The following MYO18A variants were observed in gnomAD, a reference collection of about 807,000 sequenced individuals.
MYO18A encodes the protein myosin XVIIIA.
Under a neutral mutation model 235.8 loss-of-function variants are expected in MYO18A, and 78 were observed. The ratio of observed to expected loss-of-function variants is 0.33; its 90% confidence interval spans 0.28 to 0.40. MYO18A has a LOEUF of 0.40. MYO18A is among the 10% of genes least tolerant of loss of function. MYO18A has a pLI of 1.00. For missense variants in MYO18A, 2,215 were observed against 2,699.3 expected (o/e 0.82, Z 3.98); for synonymous variants, 977 against 1,077.8 (o/e 0.91, Z 1.83).
Position 29,074,341 on chromosome 17 carries a change from A to C in MYO18A, c.*429T>G. 3.9e-6 allele frequency: 3 copies of C among 770,384 alleles called. No individual in the cohort carries two copies. Among genetic ancestry groups the C allele is most frequent in the Non-Finnish European group, 6.2e-6 (3 of 482,366 alleles). 47.7% of individuals were successfully genotyped at this position (770,384 alleles called of 1,614,324 possible). On this transcript the variant is annotated 3_prime_UTR_variant, in exon 42 of 42. Coordinates refer to ENST00000527372, the MANE Select transcript of MYO18A (RefSeq NM_078471.4). This position sits in a 1 kb window ranked among gnomAD's most constrained non-coding sequence, Gnocchi z 4.4. Reference sequence around the variant, plus strand: ...CAAGAAGAGAGAGCCCCCACCCCACACGAGAGGGAAGGCACTGCTTCTCCT... The same window carrying C: ...CAAGAAGAGAGAGCCCCCACCCCACCCGAGAGGGAAGGCACTGCTTCTCCT...
In MYO18A at chr17:29,107,094, C is replaced by T; in HGVS notation, c.3427G>A (p.Val1143Met). The T allele has an allele frequency of 6.2e-7, 1 of 1,613,992 alleles. No homozygotes were observed. Residue 1143 changes from valine (V) to methionine (M), a missense_variant, in exon 20 of 42, where the codon GTG becomes ATG. Physicochemically the swap from Val to Met is conservative, Grantham distance 21 (BLOSUM62 1). Transcript: ENST00000527372. ...TKKHGRNYIVVDERRAVEELL... is the reference protein window; with the variant it reads ...TKKHGRNYIVMDERRAVEELL... The stretch of plus-strand genomic sequence containing the variant: ...CCTGGACCTACCCGCCTTTCATCCA[C>T]CACGATGTAGTTACGCCCGTGTTTC...
At chr17:29,138,204 A>G (rs576207328) in intron 2 of MYO18A, among the ~76,000 whole-genome samples, 3 of 152,026 alleles carry the variant, frequency 2.0e-5, no homozygotes, top group East Asian at 3.9e-4. Context: ...GCCTGGACAA[A>G]TGCTTTGAGG....
rs1221504468 is a variant in MYO18A, at chr17:29,115,694, G to A, written c.2197C>T (p.Pro733Ser). 6.2e-7 allele frequency: 1 copy of A among 1,606,452 alleles called. No individual in the cohort carries two copies. Among genetic ancestry groups the A allele is most frequent in the Non-Finnish European group, 8.5e-7 (1 of 1,177,202 alleles). ...LQRSTSFRQG[P>S]EESGLGDGTG... ...CCATCTCCCAGGCCACTCTCCTCGG[G>A]GCCCTGGCGGAAGGAGGTGGAGCGC... The change falls in exon 12 of 42, where the codon CCC becomes TCC. Residue 733 changes from proline (P) to serine (S), a missense_variant. Transcript: ENST00000527372.
rs1444727035 is a variant in MYO18A, at chr17:29,097,913, G to A, written c.3991-14C>T. ...ATCGTACTGGGTCTGCAGAAGACAG[G>A]GTTTCAGGGTGTGCCATTCCATCCC... On this transcript the variant is annotated splice_polypyrimidine_tract_variant and intron_variant, in intron 25 of 41. Coordinates refer to ENST00000527372, the MANE Select transcript of MYO18A (RefSeq NM_078471.4). The A allele has an allele frequency of 2.5e-6, 4 of 1,606,862 alleles. No homozygotes were observed. Among genetic ancestry groups the A allele is most frequent in the Admixed American group, 3.4e-5 (2 of 59,470 alleles).
At position 29,082,303 on chromosome 17, in the gene MYO18A, G is replaced by T; in HGVS notation, c.6020+13C>A. On this transcript the variant is annotated intron_variant, in intron 41 of 41. Transcript: ENST00000527372. ...AGGTGGCTTTTCCTCCCAGCTCAAG[G>T]CCATATGCTCACCTGGAACTCTTTA... is the stretch of plus-strand genomic sequence containing the variant. The T allele has an allele frequency of 1.2e-6, 2 of 1,613,714 alleles. No individual in the cohort carries two copies. Among genetic ancestry groups the T allele is most frequent in the Non-Finnish European group, 1.7e-6 (2 of 1,179,712 alleles).
chr17:29,166,488 T>C lies in MYO18A; in HGVS notation c.453A>G (p.Ser151=), dbSNP rs1237239851. Residue 151 remains serine (S), a synonymous_variant, in exon 2 of 42, where the codon TCA becomes TCG. Coordinates refer to ENST00000527372, the MANE Select transcript of MYO18A (RefSeq NM_078471.4). ...FSQRSRDESA[S]ETSTPSEHSA... ...AGTGCTCTGAGGGCGTCGAGGTTTC[T>C]GAGGCGCTCTCATCCCGGCTACGCT... 1.2e-6 allele frequency: 2 copies of C among 1,613,658 alleles called. No individual in the cohort carries two copies. The highest frequency in any genetic ancestry group is 1.1e-5 in the South Asian group (1 of 91,076).
intron 32 of MYO18A, 135 bp downstream of exon 32, chr17:29,093,188 G>A: frequency 2.8e-6 from 3 of 1,083,490 alleles, no homozygotes; most frequent in Middle Eastern, 3.0e-4. Context: ...CATCCCACAA[G>A]GGATGACGAT....
At chr17:29,099,226 GCTTT>G (rs2066597016) in intron 22 of MYO18A, among the ~76,000 whole-genome samples, 1 of 152,228 alleles carries the variant, frequency 6.6e-6, no homozygotes, top group African/African-American at 2.4e-5. Flanking sequence ...AATTTCATCT[GCTTT>G]ATTTGCTGCC....
intron 2 of MYO18A, among the ~76,000 whole-genome samples, chr17:29,135,202 G>A (rs1364216151): frequency 1.3e-5 from 2 of 151,930 alleles, no homozygotes; most frequent in South Asian, 2.1e-4. Context: ...CCGGGTTCAC[G>A]CCATTCTCCT....
chr17:29,154,957 C>T (rs530497505), intron 2 of MYO18A, among the ~76,000 whole-genome samples: 1 of 152,336 alleles, frequency 6.6e-6, no homozygotes, highest in Admixed American at 6.5e-5. Flanking sequence ...TCAGACCCTT[C>T]CCCTCGCCAT....
In MYO18A at chr17:29,094,736, T is replaced by C. The variant is rs1456588231; in HGVS notation, c.4624A>G (p.Lys1542Glu). 6.2e-7 allele frequency: 1 copy of C among 1,614,054 alleles called. No individual in the cohort carries two copies. Among genetic ancestry groups the C allele is most frequent in the African/African-American group, 1.3e-5 (1 of 75,072 alleles). Residue 1542 changes from lysine (K) to glutamate (E), a missense_variant, in exon 30 of 42, where the codon AAA (lysine) becomes GAA (glutamate). Lys to Glu is a moderately conservative substitution (Grantham distance 56). Transcript: ENST00000527372. ...KDEASLAKVK[K>E]QLRDLEAKVK... ...TTGGCCTCCAGGTCCCGGAGCTGTT[T>C]CTTGACCTTGGCCAGAGAAGCCTCA...
rs563840252 is a variant in MYO18A, at chr17:29,098,545, G to A, written c.3781-100C>T. On this transcript the variant is annotated intron_variant, in intron 23 of 41. Transcript: ENST00000527372. ...AGTGAACGAAGCTGATGAAGCTTGG[G>A]CCAGGACGCCATGGGGAAGGCATGT... 1.2e-5 allele frequency: 16 copies of A among 1,373,670 alleles called. No homozygotes were observed. In the South Asian group the frequency reaches 1.8e-4, roughly 16 times the overall value. The allele number at this position is 1,373,670 out of a possible 1,614,324, so 85.1% of individuals were successfully genotyped here.
Position 29,111,917 on chromosome 17 carries a change from C to A in MYO18A, c.2599-54G>T, listed in dbSNP as rs2066938482. On this transcript the variant is annotated intron_variant, in intron 15 of 41. Transcript: ENST00000527372. The surrounding 1 kb of genome is among the most constrained non-coding windows in gnomAD (Gnocchi z 5.1). ...GTCATATGGAGCTGTGGGAAAGGGG[C>A]CAGGGTGGTGCCGGGCCCAAACACA... 17 of 1,572,062 alleles carry A rather than the reference C, an allele frequency of 1.1e-5. No homozygotes were observed. The highest frequency in any genetic ancestry group is 1.5e-5 in the Non-Finnish European group (17 of 1,159,358).
Position 29,094,837 on chromosome 17 carries a change from T to G in MYO18A, c.4523A>C (p.Asp1508Ala). Reference protein sequence around the residue: ...LKQQLEEKDMDIAGFTQKVVS... With the variant: ...LKQQLEEKDMAIAGFTQKVVS... ...AACCTTCTGGGTGAACCCTGCAATGTCCATGTCTTTTTCCTGGAGCAAAAG... is the reference window on the plus strand; with the variant it reads ...AACCTTCTGGGTGAACCCTGCAATGGCCATGTCTTTTTCCTGGAGCAAAAG... The change falls in exon 30 of 42, where the codon GAC becomes GCC. Residue 1508 changes from aspartate to alanine, a missense_variant. By Grantham distance (126) the Asp-to-Ala change is moderately radical (BLOSUM62 -2). Coordinates refer to ENST00000527372, the MANE Select transcript of MYO18A (RefSeq NM_078471.4). 6.2e-7 allele frequency: 1 copy of G among 1,614,038 alleles called. No individual in the cohort carries two copies. Among genetic ancestry groups the G allele is most frequent in the Non-Finnish European group, 8.5e-7 (1 of 1,179,894 alleles).
rs1319264982 is a variant in MYO18A, at chr17:29,115,292, A to C, written c.2318+59T>G. ...CTCTGCCTCGGCCAACAAGGCATGA[A>C]GGCATCTACTCCACCTCTGCCAAAG... is the stretch of plus-strand genomic sequence containing the variant. On this transcript the variant is annotated intron_variant, in intron 13 of 41. Transcript: ENST00000527372. The C allele has an allele frequency of 1.9e-6, 3 of 1,577,964 alleles. No individual in the cohort carries two copies. In the African/African-American group the frequency reaches 4.0e-5, roughly 21 times the overall value.
chr17:29,163,322 C>T (rs1473502455), intron 2 of MYO18A, among the ~76,000 whole-genome samples: 2 of 152,196 alleles, frequency 1.3e-5, no homozygotes, highest in African/African-American at 2.4e-5. Context: ...AAGCTGGAAA[C>T]GCTGGGCTCA....
At chr17:29,134,583 C>T (rs1335426521) in intron 2 of MYO18A, among the ~76,000 whole-genome samples, 1 of 150,932 alleles carries the variant, frequency 6.6e-6, no homozygotes, top group Non-Finnish European at 1.5e-5. Flanking sequence ...AGTACAATGG[C>T]GTGATCTCGG....
chr17:29,120,944 C>T lies in MYO18A; in HGVS notation c.1585+54G>A. The T allele has an allele frequency of 1.9e-6, 3 of 1,574,958 alleles. No homozygotes were observed. The highest frequency in any genetic ancestry group is 2.6e-6 in the Non-Finnish European group (3 of 1,158,716). ...CTGGCACTTAAGAGGGTGCTCTCTC[C>T]TCACTCCCCTCCCCTCACCCCACTT... On this transcript the variant is annotated intron_variant, in intron 6 of 41. Transcript: ENST00000527372. This position sits in a 1 kb window ranked among gnomAD's most constrained non-coding sequence, Gnocchi z 4.2.
intron 40 of MYO18A, among the ~76,000 whole-genome samples, chr17:29,083,324 C>G (rs946387530): frequency 6.6e-6 from 1 of 152,116 alleles, no homozygotes; most frequent in African/African-American, 2.4e-5. Flanking sequence ...TGGCCACCCC[C>G]TCATGAAGCA....
Sources: gnomAD v4.1 joint callset for allele counts (sites outside exome capture counted in the v4.1 genomes callset) on GRCh38, gnomAD v4.1.1 for gene constraint, Gnocchi (gnomAD v3.1) non-coding constraint, MANE v1.5 for transcripts, NCBI Gene and HGNC (gene_info 2026-07-23, HGNC 2026-07-21) for gene names.